DOCK8: variants seen among roughly 807,000 people sequenced by gnomAD.
DOCK8 encodes dedicator of cytokinesis 8, also known as dedicator of cytokinesis protein 8.
A neutral mutation model predicts 245.6 loss-of-function variants in DOCK8; 141 were observed. The ratio of observed to expected loss-of-function variants is 0.57; its 90% confidence interval spans 0.50 to 0.66. DOCK8 has a LOEUF of 0.66. Among genes scored for constraint, DOCK8 ranks in the 30% least tolerant of loss-of-function variants. DOCK8 has a pLI of 0.00. For synonymous variants in DOCK8, 1,168 were observed against 970.2 expected, an observed-to-expected ratio of 1.20 and a Z score of -3.79; for missense variants, 2,965 against 2,603.4, an observed-to-expected ratio of 1.14 and a Z score of -3.02.
chr9:379,200 A>C (rs1362059009), intron 20 of DOCK8, among the ~76,000 whole-genome samples: 1 of 152,226 alleles, frequency 6.6e-6, no homozygotes, highest in Non-Finnish European at 1.5e-5. Flanking sequence ...ATAGAGGCTT[A>C]GGGCACCAGA....
At chr9:219,302 T>C (rs2046833220) in intron 1 of DOCK8, among the ~76,000 whole-genome samples, 1 of 151,962 alleles carries the variant, frequency 6.6e-6, no homozygotes, top group South Asian at 2.1e-4. Flanking sequence ...AAACCCCGTC[T>C]CTACTAAAAA....
At chr9:221,240 G>A (rs1365019741) in intron 1 of DOCK8, among the ~76,000 whole-genome samples, 1 of 152,116 alleles carries the variant, frequency 6.6e-6, no homozygotes, top group Non-Finnish European at 1.5e-5. Context: ...TTAGAAAGGA[G>A]AAATGATGGC....
chr9:283,514 G>A lies in DOCK8; in HGVS notation c.157-2947G>A, dbSNP rs1476213609. Among the ~76,000 whole-genome samples, 5 of 152,232 alleles carry A rather than the reference G, an allele frequency of 3.3e-5. No individual in the cohort carries two copies. The East Asian group carries it at 9.6e-4, about 29-fold the overall frequency. On this transcript the variant is annotated intron_variant, in intron 2 of 47. Transcript: ENST00000432829. ...CTCCATCACCCAAATAGCATCCATT[G>A]TATTCATTCAGGAATCTAGCATCCC...
chr9:400,339 T>C (rs908178553), intron 26 of DOCK8, among the ~76,000 whole-genome samples: 14 of 10,206 alleles, frequency 1.4e-3, no homozygotes, highest in Admixed American at 3.4e-3. Flanking sequence ...CACCACCTCC[T>C]CCACCACCAC....
chr9:463,721 G>T, intron 47 of DOCK8, 34 bp downstream of exon 47: 2 of 1,612,934 alleles, frequency 1.2e-6, no homozygotes, highest in Non-Finnish European at 8.5e-7. Context: ...TCTTCCTGTG[G>T]GATAAAGAGC....
chr9:266,108 G>C (rs917236959), intron 1 of DOCK8, among the ~76,000 whole-genome samples: 2 of 152,088 alleles, frequency 1.3e-5, no homozygotes, highest in Non-Finnish European at 2.9e-5. Context: ...TTCTCCATTA[G>C]AACTTCTTTT....
intron 2 of DOCK8, among the ~76,000 whole-genome samples, chr9:281,630 T>A (rs921857613): frequency 8.6e-6 from 1 of 115,672 alleles, no homozygotes; most frequent in African/African-American, 3.2e-5. Context: ...TATGTATATA[T>A]GTTTGTGTGC....
chr9:340,071 A>C, intron 13 of DOCK8, 88 bp from the exon 14 acceptor site: 2 of 1,487,178 alleles, frequency 1.3e-6, no homozygotes, highest in Non-Finnish European at 1.9e-6. Flanking sequence ...TCTTATTTTC[A>C]TGAAAGAAAC....
chr9:392,937 T>G (rs2054267401), intron 24 of DOCK8, among the ~76,000 whole-genome samples: 1 of 151,266 alleles, frequency 6.6e-6, no homozygotes, highest in African/African-American at 2.4e-5. Context: ...AATGAAAAAA[T>G]TACCTGGGTG....
intron 37 of DOCK8, 89 bp downstream of exon 37, chr9:432,413 A>T: frequency 1.7e-6 from 2 of 1,180,476 alleles, no homozygotes; most frequent in Non-Finnish European, 2.4e-6. Flanking sequence ...TACACAATTT[A>T]TATATAAATA....
At chr9:443,168 A>G (rs534990264) in intron 42 of DOCK8, among the ~76,000 whole-genome samples, 1 of 152,336 alleles carries the variant, frequency 6.6e-6, no homozygotes, top group African/African-American at 2.4e-5. Context: ...CCCAGGAGAT[A>G]CCTCAGCAAA....
intron 22 of DOCK8, among the ~76,000 whole-genome samples, chr9:385,375 T>C (rs1211591370): frequency 6.6e-6 from 1 of 152,226 alleles, no homozygotes; most frequent in African/African-American, 2.4e-5. Context: ...GAAAGTCATA[T>C]AAGAAATACT....
intron 16 of DOCK8, 124 bp from the exon 17 acceptor site, chr9:371,304 A>T: frequency 9.2e-7 from 1 of 1,086,194 alleles, no homozygotes; most frequent in Non-Finnish European, 1.4e-6. Context: ...AGAGCAGAGT[A>T]ATGTAAAATG....
intron 4 of DOCK8, among the ~76,000 whole-genome samples, chr9:301,584 C>T (rs1340731829): frequency 1.3e-5 from 2 of 152,208 alleles, no homozygotes; most frequent in Non-Finnish European, 2.9e-5. Flanking sequence ...CAATATAATT[C>T]TGTACCCAGA....
chr9:228,433 A>G (rs2047033731), intron 1 of DOCK8, among the ~76,000 whole-genome samples: 1 of 152,164 alleles, frequency 6.6e-6, no homozygotes, highest in African/African-American at 2.4e-5. Context: ...TACCTTTCAG[A>G]ACATGGTACT....
intron 9 of DOCK8, among the ~76,000 whole-genome samples, chr9:328,742 T>C (rs901745778): frequency 7.9e-5 from 12 of 151,962 alleles, no homozygotes; most frequent in Non-Finnish European, 1.6e-4. Flanking sequence ...TTTTTCTTCT[T>C]ACCATGTCAC....
intron 9 of DOCK8, among the ~76,000 whole-genome samples, chr9:328,616 G>C (rs539385262): frequency 2.6e-5 from 4 of 152,294 alleles, no homozygotes; most frequent in South Asian, 2.1e-4. Flanking sequence ...CTCTGGGCTA[G>C]AGTTTCCTAA....
At chr9:246,301 T>A (rs1011375993) in intron 1 of DOCK8, among the ~76,000 whole-genome samples, 1 of 151,982 alleles carries the variant, frequency 6.6e-6, no homozygotes, top group Non-Finnish European at 1.5e-5. Context: ...GGACAATTCT[T>A]TGAAGCCAGG....
At chr9:455,446 G>A (rs1312788316) in intron 46 of DOCK8, among the ~76,000 whole-genome samples, 1 of 152,144 alleles carries the variant, frequency 6.6e-6, no homozygotes, top group Non-Finnish European at 1.5e-5. Context: ...GGAGGTCAAG[G>A]CTGCAATGAG....
Sources: gnomAD v4.1 joint callset for allele counts (sites outside exome capture counted in the v4.1 genomes callset) on GRCh38, gnomAD v4.1.1 for gene constraint, MANE v1.5 for transcripts, NCBI Gene and HGNC (gene_info 2026-07-23, HGNC 2026-07-21) for gene names.